Variants in WASF3 observed in about 807,000 individuals in gnomAD.
WASF3 encodes the protein actin-binding protein WASF3.
WASF3 carries 11 observed loss-of-function variants against 46.6 expected under a neutral mutation model. That is an observed-to-expected ratio of 0.24 (90% CI 0.15 to 0.39). The LOEUF (loss-of-function observed/expected upper bound fraction) is 0.39. Among genes scored for constraint, WASF3 ranks in the 10% least tolerant of loss-of-function variants. The pLI is 1.00. For synonymous variants in WASF3, 242 were observed against 259.7 expected, an observed-to-expected ratio of 0.93 and a Z score of 0.65; for missense variants, 576 against 669.8, an observed-to-expected ratio of 0.86 and a Z score of 1.55.
intron 1 of WASF3, among the ~76,000 whole-genome samples, chr13:26,564,745 A>G (rs1458919603): frequency 6.6e-6 from 1 of 152,204 alleles, no homozygotes; most frequent in African/African-American, 2.4e-5. Flanking sequence ...GTATTTTTAC[A>G]TTGACTGAAA....
chr13:26,614,887 A>G (rs373641607), intron 2 of WASF3, among the ~76,000 whole-genome samples: 11 of 151,896 alleles, frequency 7.2e-5, no homozygotes, highest in South Asian at 4.2e-4. Context: ...TTGCCACGCC[A>G]TCTGCTTGTT....
At chr13:26,616,738 G>A (rs1881145929) in intron 2 of WASF3, among the ~76,000 whole-genome samples, 1 of 152,120 alleles carries the variant, frequency 6.6e-6, no homozygotes. Context: ...GTCAATAGCT[G>A]TGCAGGACAG....
At chr13:26,681,442 T>C (rs1338252277) in intron 8 of WASF3, 122 bp downstream of exon 8, 3 of 1,180,622 alleles carry the variant, frequency 2.5e-6, no homozygotes, top group Admixed American at 2.7e-5. Flanking sequence ...GATGACTGGA[T>C]GTAGATACTA....
chr13:26,608,854 T>C (rs929608462), intron 1 of WASF3, among the ~76,000 whole-genome samples: 1 of 152,206 alleles, frequency 6.6e-6, no homozygotes, highest in African/African-American at 2.4e-5. Flanking sequence ...TACATTTCTA[T>C]AGTGTCTTGC....
intron 1 of WASF3, among the ~76,000 whole-genome samples, chr13:26,579,251 C>G (rs1048195129): frequency 6.6e-6 from 1 of 151,394 alleles, no homozygotes; most frequent in Non-Finnish European, 1.5e-5. Context: ...GTCCTCTTGC[C>G]TTAAGGAGAG....
intron 1 of WASF3, among the ~76,000 whole-genome samples, chr13:26,602,858 G>A (rs144561252): frequency 2.0e-4 from 30 of 151,988 alleles, no homozygotes; most frequent in Non-Finnish European, 3.4e-4. Flanking sequence ...TGTATATTTC[G>A]TGCACTTATG....
rs1401833382 is a variant in WASF3, at chr13:26,603,346, C to T, written c.-108-9615C>T. On this transcript the variant is annotated intron_variant, in intron 1 of 9. Coordinates refer to ENST00000335327, the MANE Select transcript of WASF3 (RefSeq NM_006646.6). ...GGTGTTCCAGCACCTGAACAGGAAC[C>T]AGGTGAATATTCAGGAATCAAGGTA... Among the ~76,000 whole-genome samples, 3 of 152,060 alleles carry T rather than the reference C, an allele frequency of 2.0e-5. No homozygotes were observed. In the East Asian group the frequency reaches 5.8e-4, roughly 29 times the overall value.
At chr13:26,672,012 A>G in intron 6 of WASF3, 23 bp downstream of exon 6, 1 of 1,476,366 alleles carries the variant, frequency 6.8e-7, no homozygotes, top group Non-Finnish European at 9.4e-7. Context: ...AGTATGGGAA[A>G]TGTGCATATC....
rs1276638010 is a variant in WASF3, at chr13:26,557,837, T to C, written c.-109+18T>C. On this transcript the variant is annotated intron_variant, in intron 1 of 9. Transcript: ENST00000335327. ...GCGGACCGGTGAGTGAGGGCTGCGG[T>C]CGCCCCGGCTCTCCGCTGTAGGCTG... is the stretch of plus-strand genomic sequence containing the variant. 1.3e-5 allele frequency: 4 copies of C among 303,324 alleles called. No homozygotes were observed. Among genetic ancestry groups the C allele is most frequent in the Non-Finnish European group, 1.8e-5 (3 of 165,482 alleles). 18.8% of individuals were successfully genotyped at this position (303,324 alleles called of 1,614,324 possible). A position where few individuals can be genotyped will look rare whatever the true frequency, so the allele number is the denominator to read the frequency against.
At chr13:26,638,062 A>G (rs1304696431) in intron 2 of WASF3, 1 of 152,272 alleles carries the variant, frequency 6.6e-6, no homozygotes, top group African/African-American at 2.4e-5. Flanking sequence ...GTTGGGTGTT[A>G]GCGAGCTTTC....
chr13:26,617,957 C>T (rs941409450), intron 2 of WASF3, among the ~76,000 whole-genome samples: 1 of 152,284 alleles, frequency 6.6e-6, no homozygotes, highest in African/African-American at 2.4e-5. Context: ...TGCCTTGCTT[C>T]CCCTTTGCCC....
chr13:26,601,996 G>A (rs533378101), intron 1 of WASF3, among the ~76,000 whole-genome samples: 18 of 152,262 alleles, frequency 1.2e-4, no homozygotes, highest in African/African-American at 4.1e-4. Context: ...AATAACTGCC[G>A]GTTATTAAAT....
intron 8 of WASF3, among the ~76,000 whole-genome samples, chr13:26,681,715 C>T (rs1883237162): frequency 6.6e-6 from 1 of 152,192 alleles, no homozygotes; most frequent in Admixed American, 6.5e-5. Context: ...CATGCAGCTC[C>T]TGTGCCTCAT....
upstream of WASF3, among the ~76,000 whole-genome samples, chr13:26,556,579 T>C (rs1289364980): frequency 6.6e-6 from 1 of 152,176 alleles, no homozygotes; most frequent in Non-Finnish European, 1.5e-5. Flanking sequence ...AATCCCTCCT[T>C]TGGAAGTAAT....
Position 26,682,757 on chromosome 13 carries a change from G to T in WASF3, c.1134G>T (p.Thr378=). 6.2e-7 allele frequency: 1 copy of T among 1,612,948 alleles called. No individual in the cohort carries two copies. The highest frequency in any genetic ancestry group is 8.5e-7 in the Non-Finnish European group (1 of 1,179,992). The change falls in exon 9 of 10, where the codon ACG becomes ACT. Residue 378 remains threonine (T), a synonymous_variant. Transcript: ENST00000335327. This position sits in a 1 kb window ranked among gnomAD's most constrained non-coding sequence, Gnocchi z 4.4. ...QPPFPASASS[T]HAAPPHPPST... ...CGTTCCCTGCATCAGCCAGCTCCAC[G>T]CACGCAGCTCCTCCTCACCCACCCT...
intron 2 of WASF3, chr13:26,638,132 A>T (rs753234752): frequency 2.0e-5 from 3 of 152,090 alleles, no homozygotes; most frequent in Non-Finnish European, 2.9e-5. Flanking sequence ...TCTTGTCTTT[A>T]ATTCACCTTT....
At chr13:26,577,162 G>A in intron 1 of WASF3, 3 of 760,906 alleles carry the variant, frequency 3.9e-6, no homozygotes, top group South Asian at 2.7e-5. Context: ...AGATGTTCAG[G>A]GCAAAAACTT....
intron 2 of WASF3, among the ~76,000 whole-genome samples, chr13:26,637,299 G>C (rs1382706962): frequency 6.6e-6 from 1 of 152,148 alleles, no homozygotes; most frequent in East Asian, 1.9e-4. Context: ...CTTGCAGGTA[G>C]GTTGTTTAGA....
At chr13:26,605,952 CATTG>C (rs1880782130) in intron 1 of WASF3, among the ~76,000 whole-genome samples, 1 of 152,150 alleles carries the variant, frequency 6.6e-6, no homozygotes, top group Non-Finnish European at 1.5e-5. Flanking sequence ...TCTGAATCCA[CATTG>C]ATTGAGAGGG....
Sources: gnomAD v4.1 joint callset for allele counts (sites outside exome capture counted in the v4.1 genomes callset) on GRCh38, gnomAD v4.1.1 for gene constraint, Gnocchi (gnomAD v3.1) non-coding constraint, MANE v1.5 for transcripts, NCBI Gene and HGNC (gene_info 2026-07-23, HGNC 2026-07-21) for gene names.